COL16A1: variants seen among roughly 807,000 people sequenced by gnomAD.
The protein encoded by COL16A1 is collagen alpha-1(XVI) chain.
Under a neutral mutation model 266.3 loss-of-function variants are expected in COL16A1, and 189 were observed. The observed-to-expected ratio is 0.71, with a 90% CI of 0.63 to 0.80. The LOEUF is 0.80. Among genes scored for constraint, COL16A1 ranks in the 30% least tolerant of loss-of-function variants. The pLI, the probability that COL16A1 is intolerant of heterozygous loss-of-function variation, is 0.00. For missense variants in COL16A1, 1,928 were observed against 2,122.4 expected, an observed-to-expected ratio of 0.91 and a Z score of 1.80; for synonymous variants, 740 against 782.3, an observed-to-expected ratio of 0.95 and a Z score of 0.90.
rs1176152433 is a variant in COL16A1 at position 31,681,071 on chromosome 1, A to AAG, written c.2539-6_2539-5dup. On this transcript the variant is annotated splice_region_variant and splice_polypyrimidine_tract_variant and intron_variant, in intron 37 of 70. Transcript: ENST00000373672. ...GTCCTTGCTGCCCATCACGGCCCTG[A>AAG]AGAGAGAGAGCCCAGAGTCAGAGGG... 4.3e-6 allele frequency: 7 copies of AAG among 1,611,358 alleles called. No individual in the cohort carries two copies. In the East Asian group the frequency reaches 8.9e-5, roughly 21 times the overall value.
At position 31,655,450 on chromosome 1, in the gene COL16A1, G is replaced by T; in HGVS notation, c.4154C>A (p.Ala1385Asp). ...CTTGCCAGGTCCACCAGGCATGCCG[G>T]CTCTCCCCTTCTCTCCTGCCTGGCC... ...QKGQAGEKGR[A>D]GMPGGPGKSG... Residue 1385 changes from alanine to aspartate, a missense_variant, in exon 67 of 71, where the codon GCC becomes GAC. Around this residue, in one of 2 missense-constraint regions of COL16A1, gnomAD observed 376 missense variants for 485.2 expected, o/e 0.77. Transcript: ENST00000373672. 1 of 1,614,148 alleles carries T rather than the reference G, an allele frequency of 6.2e-7. No homozygotes were observed.
At chr1:31,694,238 A>G (rs1470827809) in intron 11 of COL16A1, 68 bp from the exon 12 acceptor site, 1 of 1,411,052 alleles carries the variant, frequency 7.1e-7, no homozygotes, top group Non-Finnish European at 9.8e-7. Context: ...CAGAGAAGTC[A>G]AGCAATTTAG....
intron 31 of COL16A1, 121 bp downstream of exon 31, chr1:31,684,402 C>T (rs1302807536): frequency 2.0e-6 from 3 of 1,508,192 alleles, no homozygotes; most frequent in African/African-American, 1.4e-5. Context: ...GGAGCCTCCG[C>T]TCAGTGACTC....
chr1:31,686,860 A>G (rs1644001281), intron 26 of COL16A1, among the ~76,000 whole-genome samples: 1 of 152,252 alleles, frequency 6.6e-6, no homozygotes, highest in African/African-American at 2.4e-5. Flanking sequence ...CCACAAGTAC[A>G]AAATCTGACG....
At chr1:31,667,456 G>A (rs1194706883) in intron 52 of COL16A1, 119 bp downstream of exon 52, 8 of 798,146 alleles carry the variant, frequency 1.0e-5, no homozygotes, top group Non-Finnish European at 1.4e-5. Context: ...CAGGCTTGGG[G>A]GCAGGGGGGC....
At position 31,689,720 on chromosome 1, in the gene COL16A1, A is replaced by G. The variant is rs111424406; in HGVS notation, c.1620+21T>C. ...TTTGTGTGTTGGGGGAGGTCCCTCAATGGTCACCCTGGGCACTCACCCTGG... is the reference window on the plus strand; with the variant it reads ...TTTGTGTGTTGGGGGAGGTCCCTCAGTGGTCACCCTGGGCACTCACCCTGG... On this transcript the variant is annotated intron_variant, in intron 23 of 70. Transcript: ENST00000373672. 3.9e-3 allele frequency: 6,259 copies of G among 1,598,248 alleles called. 204 individuals carry two copies. The African/African-American group carries it at 0.069, about 18-fold the overall frequency.
chr1:31,654,816 G>A lies in COL16A1; in HGVS notation c.4333C>T (p.Gln1445Ter), dbSNP rs377750186. Residue 1445 changes from glutamine (Q) to a stop codon, truncating the protein, a stop_gained, in exon 68 of 71, where the codon CAA (glutamine) becomes TAA (stop). Transcript: ENST00000373672. LOFTEE classifies it high-confidence loss of function. ...NYDEIKRFIR[Q>*]EIIKMFDERM... ...CCATCAAACATTTTAATGATCTCTT[G>A]TCTGATGAACCTCTTGATTTCATCA... 1 of 1,613,856 alleles carries A rather than the reference G, an allele frequency of 6.2e-7. No individual in the cohort carries two copies. The highest frequency in any genetic ancestry group is 1.3e-5 in the African/African-American group (1 of 74,848).
At chr1:31,682,868 C>T in intron 37 of COL16A1, 66 bp downstream of exon 37, 4 of 1,601,486 alleles carry the variant, frequency 2.5e-6, no homozygotes, top group Non-Finnish European at 3.4e-6. Flanking sequence ...GCCCTGTGCC[C>T]TCTTCCCAGC....
chr1:31,693,129 G>A lies in COL16A1; in HGVS notation c.1034C>T (p.Pro345Leu). Residue 345 changes from proline (P) to leucine (L), a missense_variant, in exon 13 of 71, where the codon CCT becomes CTT. Pro to Leu is a moderately conservative substitution (Grantham distance 98, BLOSUM62 -3). This residue lies in a region of COL16A1 where 1,552 missense variants were observed against 1,637.2 expected (regional missense o/e 0.95). Coordinates refer to ENST00000373672, the MANE Select transcript of COL16A1 (RefSeq NM_001856.4). ...CTCTCCCTTGGAGCCTGGTGGACCAGGCAGGCCCCGCTCACCTTTCCCTCC... is the reference window on the plus strand; with the variant it reads ...CTCTCCCTTGGAGCCTGGTGGACCAAGCAGGCCCCGCTCACCTTTCCCTCC... ...PKGGKGERGL[P>L]GPPGSKGEKG... is the part of the protein sequence containing the mutation. The A allele has an allele frequency of 6.2e-7, 1 of 1,611,954 alleles. No homozygotes were observed. Among genetic ancestry groups the A allele is most frequent in the Middle Eastern group, 1.7e-4 (1 of 6,046 alleles).
rs540230141 is a variant in COL16A1, at chr1:31,699,117, C to A, written c.267-511G>T. ...CTCAAAAAGAAAACCAACCAACCAA[C>A]CAAACAAACAAACAAACAAAAAACC... On this transcript the variant is annotated intron_variant, in intron 4 of 70. Coordinates refer to ENST00000373672, the MANE Select transcript of COL16A1 (RefSeq NM_001856.4). 4.3e-3 allele frequency among the ~76,000 whole-genome samples: 653 copies of A among 150,754 alleles called. 3 individuals are homozygous for A. Among genetic ancestry groups the A allele is most frequent in the African/African-American group, 0.014 (567 of 40,408 alleles).
At chr1:31,654,995 TTTTTC>T in intron 67 of COL16A1, 137 bp from the exon 68 acceptor site, 1 of 1,362,010 alleles carries the variant, frequency 7.3e-7, no homozygotes, top group Non-Finnish European at 9.7e-7. Flanking sequence ...TTTTTTTTTT[TTTTTC>T]TGAGACAGAG....
intron 8 of COL16A1, among the ~76,000 whole-genome samples, chr1:31,696,416 C>T (rs936261643): frequency 1.3e-5 from 2 of 151,006 alleles, no homozygotes; most frequent in African/African-American, 2.4e-5. Flanking sequence ...GCAAGATGCC[C>T]GAGCGGGCAG....
chr1:31,664,678 G>A lies in COL16A1; in HGVS notation c.3555+494C>T, dbSNP rs754780580. On this transcript the variant is annotated intron_variant, in intron 56 of 70. Transcript: ENST00000373672. The surrounding 1 kb of genome is among the most constrained non-coding windows in gnomAD (Gnocchi z 5.5). ...CAACCCTTGTCACCAGGCAGGACAC[G>A]GGCCACCCCTGCCCTCTCTGGGCCC... Among the ~76,000 whole-genome samples the A allele has an allele frequency of 1.3e-5, 2 of 152,158 alleles. No individual in the cohort carries two copies. Among genetic ancestry groups the A allele is most frequent in the East Asian group, 1.9e-4 (1 of 5,180 alleles).
At chr1:31,690,712 C>G in intron 20 of COL16A1, 139 bp from the exon 21 acceptor site, 1 of 1,400,338 alleles carries the variant, frequency 7.1e-7, no homozygotes, top group Non-Finnish European at 9.6e-7. Context: ...TCCATTCGGT[C>G]GGTTCCTGTT....
chr1:31,661,790 C>T, intron 58 of COL16A1, 86 bp from the exon 59 acceptor site: 2 of 1,398,802 alleles, frequency 1.4e-6, no homozygotes, highest in Non-Finnish European at 9.8e-7. Flanking sequence ...TCTCTCCAGC[C>T]CTCCCCAGCT....
At chr1:31,660,550 C>T in intron 62 of COL16A1, 35 bp downstream of exon 62, 2 of 1,613,114 alleles carry the variant, frequency 1.2e-6, no homozygotes, top group Middle Eastern at 3.3e-4. Context: ...AATGCTAACT[C>T]TTATGGAGAC....
rs557646501 is a variant in COL16A1, at chr1:31,675,037, T to C, written c.2829A>G (p.Gly943=). Residue 943 remains glycine (G), a splice_region_variant and synonymous_variant, in exon 44 of 71, where the codon GGA becomes GGG. Coordinates refer to ENST00000373672, the MANE Select transcript of COL16A1 (RefSeq NM_001856.4). ...PGQPGLTAEL[G]SLPIEQHLLK... is the part of the protein sequence containing the mutation. ...GGAGGTGCTGTTCAATTGGTAAGGA[T>C]CCCTGCAAGAGACAGATGTGTGGGC... is the stretch of plus-strand genomic sequence containing the variant. The C allele has an allele frequency of 2.4e-5, 39 of 1,613,246 alleles. 1 individual carries two copies. The East Asian group carries it at 8.2e-4, about 34-fold the overall frequency.
At chr1:31,653,538 CA>C (rs1421874852) in intron 70 of COL16A1, 60 bp downstream of exon 70, 16 of 1,546,828 alleles carry the variant, frequency 1.0e-5, no homozygotes, top group Admixed American at 2.1e-5. Flanking sequence ...ATAGAAGAAA[CA>C]GAAAGAAAAG....
intron 59 of COL16A1, 35 bp from the exon 60 acceptor site, chr1:31,661,493 A>C (rs750052463): frequency 3.7e-6 from 6 of 1,614,078 alleles, no homozygotes; most frequent in Non-Finnish European, 5.1e-6. Flanking sequence ...CATGTCCCTC[A>C]TGTCAGCTGG....
Sources: gnomAD v4.1 joint callset for allele counts (sites outside exome capture counted in the v4.1 genomes callset) on GRCh38, gnomAD v4.1.1 for gene constraint, gnomAD v4.1.1 regional missense constraint, Gnocchi (gnomAD v3.1) non-coding constraint, MANE v1.5 for transcripts, NCBI Gene and HGNC (gene_info 2026-07-23, HGNC 2026-07-21) for gene names.